ATP8B4: variants seen among roughly 807,000 people sequenced by gnomAD.
ATP8B4 encodes probable phospholipid-transporting ATPase IM.
Under a neutral mutation model 145.6 loss-of-function variants are expected in ATP8B4, and 133 were observed. The observed-to-expected ratio is 0.91, with a 90% CI of 0.79 to 1.05. The LOEUF (loss-of-function observed/expected upper bound fraction) is 1.05, where lower values mean the gene tolerates loss of function less well. ATP8B4 is among the 50% of genes least tolerant of loss of function. The pLI is 0.00. For missense variants in ATP8B4, 1,458 were observed against 1,425.2 expected (o/e 1.02, Z -0.37); for synonymous variants, 507 against 492.9 (o/e 1.03, Z -0.38).
At chr15:50,043,872 G>C (rs2051508510) in intron 5 of ATP8B4, among the ~76,000 whole-genome samples, 1 of 149,754 alleles carries the variant, frequency 6.7e-6, no homozygotes, top group South Asian at 2.1e-4. Flanking sequence ...AGAATGGCGT[G>C]AACCCGGGAA....
intron 1 of ATP8B4, among the ~76,000 whole-genome samples, chr15:50,134,958 C>T (rs2044102118): frequency 6.6e-6 from 1 of 151,540 alleles, no homozygotes; most frequent in Non-Finnish European, 1.5e-5. Context: ...TGTGACTCAT[C>T]AGATGTGAGG....
chr15:50,094,230 T>C (rs940879291), intron 2 of ATP8B4, among the ~76,000 whole-genome samples: 1 of 152,106 alleles, frequency 6.6e-6, no homozygotes, highest in Non-Finnish European at 1.5e-5. Flanking sequence ...TCCAATCAGC[T>C]CAAGGCCTGA....
intron 1 of ATP8B4, among the ~76,000 whole-genome samples, chr15:50,172,314 C>A (rs974721682): frequency 1.3e-5 from 2 of 152,238 alleles, no homozygotes; most frequent in Non-Finnish European, 2.9e-5. Context: ...GACTGGTTTT[C>A]GTATTTTTTG....
intron 1 of ATP8B4, among the ~76,000 whole-genome samples, chr15:50,158,528 G>A (rs922022851): frequency 2.6e-5 from 4 of 151,804 alleles, no homozygotes; most frequent in Non-Finnish European, 4.4e-5. Flanking sequence ...CGGGAGGTGG[G>A]GGGCGCCTCT....
intron 8 of ATP8B4, among the ~76,000 whole-genome samples, chr15:49,999,937 C>T (rs1248597266): frequency 6.6e-6 from 1 of 152,054 alleles, no homozygotes; most frequent in Non-Finnish European, 1.5e-5. Flanking sequence ...ATTTTATAAA[C>T]AGAATTATAC....
At chr15:50,011,128 C>G (rs1453930143) in intron 6 of ATP8B4, among the ~76,000 whole-genome samples, 1 of 152,028 alleles carries the variant, frequency 6.6e-6, no homozygotes, top group Non-Finnish European at 1.5e-5. Flanking sequence ...TAGGGGTACT[C>G]CTGGGCTAAA....
chr15:50,032,063 G>T (rs1244338421), intron 6 of ATP8B4, among the ~76,000 whole-genome samples: 1 of 151,980 alleles, frequency 6.6e-6, no homozygotes, highest in Non-Finnish European at 1.5e-5. Flanking sequence ...TCTGGGATAC[G>T]TGTGCAGGTT....
chr15:49,878,560 A>C (rs2034861767), intron 24 of ATP8B4, among the ~76,000 whole-genome samples: 1 of 152,130 alleles, frequency 6.6e-6, no homozygotes, highest in Non-Finnish European at 1.5e-5. Context: ...AAAATAAGAC[A>C]CTCTAATTGT....
chr15:49,988,156 A>G (rs2046777434), intron 9 of ATP8B4, among the ~76,000 whole-genome samples: 1 of 152,218 alleles, frequency 6.6e-6, no homozygotes, highest in Non-Finnish European at 1.5e-5. Flanking sequence ...CAAAGGCACC[A>G]TATAACTTGC....
chr15:50,057,358 G>A (rs2052685636), intron 3 of ATP8B4, among the ~76,000 whole-genome samples: 4 of 152,100 alleles, frequency 2.6e-5, no homozygotes, highest in African/African-American at 9.7e-5. Context: ...CAGTTGTGAG[G>A]GTTGCCCATA....
chr15:49,913,594 G>A (rs888605367), intron 20 of ATP8B4, among the ~76,000 whole-genome samples: 2 of 152,086 alleles, frequency 1.3e-5, no homozygotes, highest in Non-Finnish European at 1.5e-5. Flanking sequence ...CTGTTTGCAA[G>A]CAACATGATC....
intron 1 of ATP8B4, among the ~76,000 whole-genome samples, chr15:50,140,283 AG>A (rs2044189083): frequency 6.6e-6 from 1 of 152,178 alleles, no homozygotes. Flanking sequence ...CTAGTTTCCA[AG>A]AAGCAAAGCC....
At position 50,047,393 on chromosome 15, in the gene ATP8B4, T is replaced by G; in HGVS notation, c.159A>C (p.Gln53His). The G allele has an allele frequency of 6.3e-7, 1 of 1,598,816 alleles. No individual in the cohort carries two copies. The highest frequency in any genetic ancestry group is 8.6e-7 in the Non-Finnish European group (1 of 1,166,162). The change falls in exon 4 of 28, where the codon CAA becomes CAC. Residue 53 changes from glutamine to histidine, a missense_variant. By Grantham distance (24) the Gln-to-His change is conservative (BLOSUM62 0). Coordinates refer to ENST00000284509, the MANE Select transcript of ATP8B4 (RefSeq NM_024837.4). ...FLPINLFEQF[Q>H]RVANAYFLCL... is the part of the protein sequence containing the mutation. ...AAAGAAAATAGGCATTTGCCACTCTTTGGAACTGTTCAAATAAATTAATTG... is the reference window on the plus strand; with the variant it reads ...AAAGAAAATAGGCATTTGCCACTCTGTGGAACTGTTCAAATAAATTAATTG...
intron 16 of ATP8B4, among the ~76,000 whole-genome samples, chr15:49,927,044 T>C (rs2040787867): frequency 6.6e-6 from 1 of 152,162 alleles, no homozygotes; most frequent in Admixed American, 6.6e-5. Flanking sequence ...CACTTGCCCC[T>C]GTTAATAGCC....
intron 3 of ATP8B4, among the ~76,000 whole-genome samples, chr15:50,067,700 T>C (rs1600168389): frequency 6.6e-6 from 1 of 152,146 alleles, no homozygotes; most frequent in East Asian, 1.9e-4. Flanking sequence ...CCCCCTTTCT[T>C]AATAGCTCCA....
intron 1 of ATP8B4, among the ~76,000 whole-genome samples, chr15:50,176,407 T>C (rs1039586317): frequency 4.4e-4 from 67 of 152,196 alleles, no homozygotes; most frequent in African/African-American, 1.5e-3. Flanking sequence ...ACTACAAATC[T>C]GGTGCAGTGT....
chr15:49,870,129 A>G (rs958685099), intron 25 of ATP8B4, among the ~76,000 whole-genome samples: 6 of 152,224 alleles, frequency 3.9e-5, no homozygotes, highest in African/African-American at 1.2e-4. Flanking sequence ...TAGATGATAA[A>G]TACTTATACA....
At chr15:50,038,702 C>G in intron 6 of ATP8B4, 66 bp downstream of exon 6, 2 of 1,206,894 alleles carry the variant, frequency 1.7e-6, no homozygotes, top group Non-Finnish European at 1.2e-6. Flanking sequence ...AGAAAGCCAC[C>G]AATCGTCAAG....
At chr15:49,918,784 G>T in intron 19 of ATP8B4, 55 bp downstream of exon 19, 1 of 1,296,528 alleles carries the variant, frequency 7.7e-7, no homozygotes, top group Non-Finnish European at 1.1e-6. Context: ...AAAATTTTGT[G>T]ATATAAGTCA....
Sources: gnomAD v4.1 joint callset for allele counts (sites outside exome capture counted in the v4.1 genomes callset) on GRCh38, gnomAD v4.1.1 for gene constraint, MANE v1.5 for transcripts, NCBI Gene and HGNC (gene_info 2026-07-23, HGNC 2026-07-21) for gene names.